The following RGS5 variants were observed in gnomAD, a reference collection of about 807,000 sequenced individuals.
The protein encoded by RGS5 is regulator of G protein signaling 5.
In RGS5, 20 loss-of-function variants were observed where a neutral mutation model predicts 18.9. The observed-to-expected ratio is 1.06, with a 90% confidence interval of 0.74 to 1.54. The LOEUF (loss-of-function observed/expected upper bound fraction) is 1.54. RGS5 is among the 40% of genes most tolerant of loss of function. The pLI is 0.00. For missense variants in RGS5, 201 were observed against 211.8 expected (o/e 0.95, Z 0.32); for synonymous variants, 57 against 76.2 (o/e 0.75, Z 1.31).
At chr1:163,225,628 CTTA>C (rs1647316323) in intron 2 of RGS5, among the ~76,000 whole-genome samples, 3 of 151,956 alleles carry the variant, frequency 2.0e-5, no homozygotes, top group South Asian at 4.2e-4. Context: ...CCTTGCAGGA[CTTA>C]TTATTATGTA....
At chr1:163,245,734 A>G (rs1039679816) in intron 2 of RGS5, among the ~76,000 whole-genome samples, 1 of 152,230 alleles carries the variant, frequency 6.6e-6, no homozygotes, top group Non-Finnish European at 1.5e-5. Context: ...AAGGTTTATG[A>G]GGATTACCTA....
chr1:163,172,251 G>A (rs1170066157), intron 1 of RGS5, among the ~76,000 whole-genome samples: 2 of 152,162 alleles, frequency 1.3e-5, no homozygotes, highest in Admixed American at 1.3e-4. Flanking sequence ...CTATTGAAAA[G>A]CGCCTTTCAA....
chr1:163,205,345 T>TAAAAAAAAA (rs35747068), upstream of RGS5, among the ~76,000 whole-genome samples: 34 of 72,588 alleles, frequency 4.7e-4, no homozygotes, highest in Admixed American at 1.3e-3. Context: ...TTAACCACAG[T>TAAAAAAAAA]AAAAAAAAAA....
chr1:163,191,162 A>G (rs1234768963), intron 1 of RGS5, among the ~76,000 whole-genome samples: 5 of 152,230 alleles, frequency 3.3e-5, no homozygotes, highest in African/African-American at 1.2e-4. Context: ...TCAGCAAAAG[A>G]GACAGAGACT....
intron 2 of RGS5, among the ~76,000 whole-genome samples, chr1:163,243,370 G>A (rs546502577): frequency 3.3e-5 from 5 of 152,046 alleles, no homozygotes; most frequent in Non-Finnish European, 1.5e-5. Context: ...ATGACAGGCC[G>A]GGCGCGGTGG....
At chr1:163,182,004 T>C (rs927085452) in intron 1 of RGS5, among the ~76,000 whole-genome samples, 2 of 152,194 alleles carry the variant, frequency 1.3e-5, no homozygotes, top group African/African-American at 4.8e-5. Flanking sequence ...AGTTAATGCA[T>C]TAATAGGTTT....
At chr1:163,260,232 C>T (rs1002012397) in intron 2 of RGS5, 16 of 152,072 alleles carry the variant, frequency 1.1e-4, no homozygotes, top group East Asian at 3.9e-4. Context: ...TTTCTTTTTG[C>T]TTCTCTTGCT....
chr1:163,303,858 T>A (rs750218605), intron 2 of RGS5, among the ~76,000 whole-genome samples: 4 of 152,228 alleles, frequency 2.6e-5, no homozygotes, highest in African/African-American at 9.6e-5. Context: ...GGGATCTAGG[T>A]TGCACACTAC....
chr1:163,209,158 C>A (rs1026334722), intron 1 of RGS5, among the ~76,000 whole-genome samples: 1 of 152,136 alleles, frequency 6.6e-6, no homozygotes, highest in Non-Finnish European at 1.5e-5. Context: ...CCTGGAAATT[C>A]AAAAACTTTC....
intron 2 of RGS5, among the ~76,000 whole-genome samples, chr1:163,290,653 C>G (rs543022147): frequency 7.8e-6 from 1 of 128,684 alleles, no homozygotes; most frequent in Non-Finnish European, 1.7e-5. Flanking sequence ...CAGCTCATAC[C>G]AAAAAAAAAA....
upstream of RGS5, among the ~76,000 whole-genome samples, chr1:163,205,835 CTTTAT>C (rs200330375): frequency 2.8e-3 from 425 of 152,280 alleles, 4 homozygotes; most frequent in African/African-American, 8.8e-3. Flanking sequence ...GTGTAAGTGT[CTTTAT>C]TTTAACTATT....
intron 2 of RGS5, among the ~76,000 whole-genome samples, chr1:163,243,636 T>A (rs1571314662): frequency 2.5e-5 from 2 of 78,588 alleles, no homozygotes; most frequent in Non-Finnish European, 4.4e-5. Flanking sequence ...AGAGCAAGAC[T>A]CCGTCTCAAA....
intron 1 of RGS5, among the ~76,000 whole-genome samples, chr1:163,185,495 AC>A (rs1190065307): frequency 1.3e-5 from 2 of 151,534 alleles, no homozygotes; most frequent in African/African-American, 2.4e-5. Context: ...TATCCTCTCA[AC>A]CCCCCAGGCT....
chr1:163,250,160 G>A (rs1260636087), intron 2 of RGS5, among the ~76,000 whole-genome samples: 1 of 152,192 alleles, frequency 6.6e-6, no homozygotes, highest in Non-Finnish European at 1.5e-5. Context: ...TTAAAACATG[G>A]CCTAGGCTAT....
intron 1 of RGS5, among the ~76,000 whole-genome samples, chr1:163,181,854 T>G (rs796446431): frequency 1.3e-5 from 2 of 152,152 alleles, no homozygotes; most frequent in Non-Finnish European, 2.9e-5. Flanking sequence ...TGGGTTTATA[T>G]TCCAACTCTT....
intron 1 of RGS5, among the ~76,000 whole-genome samples, chr1:163,309,921 G>T (rs976990492): frequency 6.6e-6 from 1 of 152,158 alleles, no homozygotes; most frequent in Non-Finnish European, 1.5e-5. Context: ...TGTTGTATTA[G>T]CAGGCAAGAA....
intron 1 of RGS5, chr1:163,172,620 C>T (rs1658354692): frequency 6.5e-7 from 1 of 1,548,938 alleles, no homozygotes; most frequent in African/African-American, 1.4e-5. Context: ...AAAAGATATT[C>T]AGTGCTTTGG....
At chr1:163,277,523 G>T (rs1289264546) in intron 2 of RGS5, among the ~76,000 whole-genome samples, 1 of 152,140 alleles carries the variant, frequency 6.6e-6, no homozygotes, top group African/African-American at 2.4e-5. Flanking sequence ...TTTTGTTTTG[G>T]GTTAAATGGG....
intron 1 of RGS5, among the ~76,000 whole-genome samples, chr1:163,192,856 C>T (rs932604910): frequency 2.6e-5 from 4 of 152,232 alleles, no homozygotes; most frequent in Non-Finnish European, 5.9e-5. Flanking sequence ...TGGTCTCACA[C>T]TCCCATTCAC....
Sources: allele counts gnomAD v4.1 joint callset (sites outside exome capture counted in the v4.1 genomes callset), GRCh38; gene constraint gnomAD v4.1.1; transcripts MANE v1.5; gene names NCBI Gene and HGNC (gene_info 2026-07-23, HGNC 2026-07-21).